Variants in PDE10A observed in about 807,000 individuals in gnomAD.
PDE10A encodes phosphodiesterase 10A, also known as cAMP and cAMP-inhibited cGMP 3',5'-cyclic phosphodiesterase 10A.
PDE10A carries 39 observed loss-of-function variants against 97.7 expected under a neutral mutation model. The observed-to-expected ratio is 0.40, with a 90% CI of 0.31 to 0.52. The LOEUF is 0.52. PDE10A is among the 20% of genes least tolerant of loss of function. The probability of loss-of-function intolerance (pLI) is 0.56; values close to 1 mark genes in which losing one functional copy is unlikely to be tolerated. For missense variants in PDE10A, 731 were observed against 1,047.8 expected (o/e 0.70, Z 4.17); for synonymous variants, 371 against 376.8 (o/e 0.98, Z 0.18).
intron 1 of PDE10A, among the ~76,000 whole-genome samples, chr6:165,591,974 T>C (rs542633005): frequency 1.3e-5 from 2 of 152,330 alleles, no homozygotes; most frequent in South Asian, 4.1e-4. Flanking sequence ...TGGTTTTAAT[T>C]CAAATCCTTA....
intron 18 of PDE10A, among the ~76,000 whole-genome samples, chr6:165,368,913 C>T (rs542620321): frequency 6.6e-6 from 1 of 152,286 alleles, no homozygotes; most frequent in East Asian, 1.9e-4. Context: ...GCAGCATTCG[C>T]GGTTCACGAA....
chr6:165,933,940 A>AT (rs544541269), intron 1 of PDE10A, among the ~76,000 whole-genome samples: 94 of 152,044 alleles, frequency 6.2e-4, no homozygotes, highest in African/African-American at 2.2e-3. Flanking sequence ...ATTCTGGGAC[A>AT]AAAGCACAGC....
At chr6:165,916,059 C>T (rs1782595967) in intron 1 of PDE10A, among the ~76,000 whole-genome samples, 1 of 152,184 alleles carries the variant, frequency 6.6e-6, no homozygotes, top group Non-Finnish European at 1.5e-5. Context: ...CAACAGCAAT[C>T]AATGAGTAAT....
At chr6:165,384,480 C>T (rs887478464) in intron 17 of PDE10A, among the ~76,000 whole-genome samples, 1 of 152,146 alleles carries the variant, frequency 6.6e-6, no homozygotes, top group Admixed American at 6.5e-5. Context: ...TTTACCCTTA[C>T]TTCATGACTT....
intron 17 of PDE10A, among the ~76,000 whole-genome samples, chr6:165,382,314 C>T (rs1784988446): frequency 6.6e-6 from 1 of 152,118 alleles, no homozygotes; most frequent in Non-Finnish European, 1.5e-5. Flanking sequence ...CTGTCCACTG[C>T]TGGGGGATTA....
chr6:165,458,920 A>T (rs929625031), intron 3 of PDE10A, among the ~76,000 whole-genome samples: 1 of 151,796 alleles, frequency 6.6e-6, no homozygotes, highest in Non-Finnish European at 1.5e-5. Flanking sequence ...AAGGATTATG[A>T]CCCCCCACCC....
At chr6:165,542,945 T>A (rs1251504316) in intron 2 of PDE10A, among the ~76,000 whole-genome samples, 1 of 152,150 alleles carries the variant, frequency 6.6e-6, no homozygotes, top group Non-Finnish European at 1.5e-5. Context: ...ACTGAAAGTT[T>A]ACTGACAACA....
At chr6:165,885,412 G>A (rs1293438257) in intron 1 of PDE10A, among the ~76,000 whole-genome samples, 3 of 152,114 alleles carry the variant, frequency 2.0e-5, no homozygotes, top group Non-Finnish European at 2.9e-5. Context: ...TCACTATCAC[G>A]AGAACAGCAT....
chr6:165,894,590 C>T (rs748715473), intron 1 of PDE10A: 352 of 454,648 alleles, frequency 7.7e-4, no homozygotes, highest in Non-Finnish European at 9.8e-4. Flanking sequence ...GGACCACAAC[C>T]CTGTACTACA....
At chr6:165,871,001 G>A (rs532730968) in intron 1 of PDE10A, among the ~76,000 whole-genome samples, 2 of 152,300 alleles carry the variant, frequency 1.3e-5, no homozygotes, top group East Asian at 3.9e-4. Context: ...CACACATGCA[G>A]TTACACAGGA....
At chr6:165,490,344 T>G (rs574866772) in intron 2 of PDE10A, among the ~76,000 whole-genome samples, 1 of 152,254 alleles carries the variant, frequency 6.6e-6, no homozygotes, top group African/African-American at 2.4e-5. Context: ...CCAGTGAAAC[T>G]AAGCTTCAAA....
intron 1 of PDE10A, chr6:165,718,454 A>G (rs1289498240): frequency 6.6e-6 from 1 of 152,252 alleles, no homozygotes; most frequent in African/African-American, 2.4e-5. Flanking sequence ...TAGAGAAACT[A>G]AACCAGAGGG....
intron 13 of PDE10A, among the ~76,000 whole-genome samples, chr6:165,397,664 T>G (rs531112763): frequency 7.3e-6 from 1 of 136,992 alleles, no homozygotes; most frequent in East Asian, 2.1e-4. Flanking sequence ...ATGGCGCCAT[T>G]GCACTCTAGC....
chr6:165,770,007 G>A (rs957272467), intron 1 of PDE10A, among the ~76,000 whole-genome samples: 4 of 152,010 alleles, frequency 2.6e-5, no homozygotes, highest in Non-Finnish European at 4.4e-5. Flanking sequence ...AAGTATTAAC[G>A]TCTCAAGACA....
chr6:165,825,196 T>C (rs1779698704), intron 1 of PDE10A, among the ~76,000 whole-genome samples: 2 of 150,476 alleles, frequency 1.3e-5, no homozygotes, highest in Admixed American at 6.6e-5. Flanking sequence ...GGGCATTTGT[T>C]AAAGGGTTTG....
chr6:165,901,133 A>T (rs930469959), intron 1 of PDE10A, among the ~76,000 whole-genome samples: 4 of 152,162 alleles, frequency 2.6e-5, no homozygotes, highest in African/African-American at 9.7e-5. Context: ...CCGCAGCGAA[A>T]CATTCACCCA....
intron 1 of PDE10A, among the ~76,000 whole-genome samples, chr6:165,900,465 G>A (rs1165104371): frequency 6.6e-6 from 1 of 151,752 alleles, no homozygotes; most frequent in Non-Finnish European, 1.5e-5. Context: ...GAGCGAGACT[G>A]TGTCTCAAAA....
chr6:165,656,573 G>T (rs1789978491), intron 1 of PDE10A, among the ~76,000 whole-genome samples: 1 of 151,894 alleles, frequency 6.6e-6, no homozygotes, highest in Non-Finnish European at 1.5e-5. Flanking sequence ...CTCGTCTGAG[G>T]GGTCATTGTA....
At chr6:165,360,639 G>A (rs2128192542) in intron 18 of PDE10A, among the ~76,000 whole-genome samples, 1 of 152,268 alleles carries the variant, frequency 6.6e-6, no homozygotes. Context: ...GGGAAGAGGT[G>A]GCTGGGAGGA....
Sources: gnomAD v4.1 joint callset for allele counts (sites outside exome capture counted in the v4.1 genomes callset) on GRCh38, gnomAD v4.1.1 for gene constraint, MANE v1.5 for transcripts, NCBI Gene and HGNC (gene_info 2026-07-23, HGNC 2026-07-21) for gene names.